The following DNAH10 variants were observed in gnomAD, a reference collection of about 807,000 sequenced individuals.
The protein encoded by DNAH10 is axonemal beta dynein heavy chain 10.
Under a neutral mutation model 506.6 loss-of-function variants are expected in DNAH10, and 348 were observed. That is an observed-to-expected ratio of 0.69 (90% CI 0.63 to 0.75). The LOEUF (loss-of-function observed/expected upper bound fraction) is 0.75. Among genes scored for constraint, DNAH10 ranks in the 30% least tolerant of loss-of-function variants. The pLI, the probability that DNAH10 is intolerant of heterozygous loss-of-function variation, is 0.00. For missense variants in DNAH10, 5,179 were observed against 5,787.1 expected (o/e 0.89, Z 3.41); for synonymous variants, 2,059 against 2,198.6 (o/e 0.94, Z 1.78).
At position 123,789,961 on chromosome 12, in the gene DNAH10, A is replaced by G; in HGVS notation, c.1655A>G (p.Glu552Gly). The G allele has an allele frequency of 6.2e-7, 1 of 1,614,060 alleles. No homozygotes were observed. The highest frequency in any genetic ancestry group is 8.5e-7 in the Non-Finnish European group (1 of 1,179,984). The change falls in exon 11 of 79, where the codon GAA becomes GGA. Residue 552 changes from glutamate (E) to glycine (G), a missense_variant. Coordinates refer to ENST00000673944, the MANE Select transcript of DNAH10 (RefSeq NM_001372106.1). ...GAATTTTATAACATATTTGGTCCAG[A>G]ACTAAAGGCAGTGACGGGGGACCCC... ...LEEFYNIFGP[E>G]LKAVTGDPKR...
chr12:123,878,790 T>C (rs1952372527), intron 48 of DNAH10, among the ~76,000 whole-genome samples: 1 of 152,036 alleles, frequency 6.6e-6, no homozygotes, highest in African/African-American at 2.4e-5. Flanking sequence ...TCCCAGCCAC[T>C]TGGGAGGCTG....
chr12:123,863,680 AT>A (rs1426604340), intron 39 of DNAH10, among the ~76,000 whole-genome samples: 2 of 152,204 alleles, frequency 1.3e-5, no homozygotes, highest in African/African-American at 2.4e-5. Context: ...TTGTCATTAG[AT>A]TAGGACTCAT....
At chr12:123,872,538 T>C (rs1277551114) in intron 45 of DNAH10, among the ~76,000 whole-genome samples, 1 of 152,198 alleles carries the variant, frequency 6.6e-6, no homozygotes, top group Non-Finnish European at 1.5e-5. Flanking sequence ...TCAGCTCATG[T>C]GCACCTGCAC....
At chr12:123,777,691 G>C (rs1957491596) in intron 5 of DNAH10, among the ~76,000 whole-genome samples, 1 of 152,052 alleles carries the variant, frequency 6.6e-6, no homozygotes, top group African/African-American at 2.4e-5. Context: ...TGCCACCTAG[G>C]CTGGAGTGCA....
intron 25 of DNAH10, 29 bp downstream of exon 25, chr12:123,826,927 A>G: frequency 1.8e-5 from 29 of 1,579,888 alleles, no homozygotes; most frequent in Non-Finnish European, 2.4e-5. Context: ...CCGCAGATGT[A>G]AAAGTGTGGG....
At chr12:123,924,598 C>G (rs975886079) in intron 67 of DNAH10, among the ~76,000 whole-genome samples, 166 bp downstream of exon 67, 1 of 152,184 alleles carries the variant, frequency 6.6e-6, no homozygotes, top group Non-Finnish European at 1.5e-5. Context: ...TTGGCTAATT[C>G]AGCTAGTTGT....
chr12:123,899,295 G>C, intron 56 of DNAH10, among the ~76,000 whole-genome samples: 1 of 152,190 alleles, frequency 6.6e-6, no homozygotes, highest in Middle Eastern at 3.4e-3. Context: ...ACCCTCTCGC[G>C]ATGCCTGGCA....
In DNAH10 at chr12:123,935,430, C is replaced by T. The variant is rs768705962; in HGVS notation, c.13719C>T (p.His4573=). ...VFEADLFTTR[H]ISHWVLQGVC... The stretch of plus-strand genomic sequence containing the variant: ...AAGCTGATCTCTTTACCACGAGGCA[C>T]ATTTCTCACTGGGTGCTGCAAGGAG... Residue 4573 remains histidine, a synonymous_variant, in exon 79 of 79, where the codon CAC becomes CAT. Transcript: ENST00000673944. 3.0e-5 allele frequency: 48 copies of T among 1,609,438 alleles called. No individual in the cohort carries two copies. In the Middle Eastern group the frequency reaches 6.6e-4, roughly 22 times the overall value.
chr12:123,853,290 GC>G lies in DNAH10; in HGVS notation c.6379del (p.Leu2127Ter). ...GTATCACTATGATTTTGGACTCAGA[GC>G]CCTGAAATCGGTGCTGGTCATGGCT... ...KQYHYDFGLR[A>X]LKSVLVMAGE... On this transcript the variant is annotated frameshift_variant, in exon 36 of 79. Transcript: ENST00000673944. LOFTEE classifies it high-confidence loss of function. The surrounding 1 kb of genome is among the most constrained non-coding windows in gnomAD (Gnocchi z 4.7). 6.2e-7 allele frequency: 1 copy of G among 1,612,112 alleles called. No homozygotes were observed. Among genetic ancestry groups the G allele is most frequent in the South Asian group, 1.1e-5 (1 of 90,408 alleles).
Position 123,931,470 on chromosome 12 carries a change from C to A in DNAH10, c.12914C>A (p.Thr4305Lys). 1 of 1,613,484 alleles carries A rather than the reference C, an allele frequency of 6.2e-7. No individual in the cohort carries two copies. Among genetic ancestry groups the A allele is most frequent in the Non-Finnish European group, 8.5e-7 (1 of 1,179,610 alleles). The change falls in exon 74 of 79, where the codon ACA (threonine) becomes AAA (lysine). Residue 4305 changes from threonine (T) to lysine (K), a missense_variant and splice_region_variant. By Grantham distance (78) the Thr-to-Lys change is moderately conservative. Coordinates refer to ENST00000673944, the MANE Select transcript of DNAH10 (RefSeq NM_001372106.1). ...CACCTGCTGGAGCTGCAGCCTCAGA[C>A]AGGTAAACTCTACTCAGGAGGACTT... The part of the protein sequence containing the change: ...WAHLLELQPQ[T>K]GESSSGISRD...
In DNAH10 at chr12:123,877,923, T is replaced by G; in HGVS notation, c.8372+15T>G. 6.2e-7 allele frequency: 1 copy of G among 1,611,862 alleles called. No individual in the cohort carries two copies. Among genetic ancestry groups the G allele is most frequent in the Non-Finnish European group, 8.5e-7 (1 of 1,179,000 alleles). ...AACCCGGAGCGGTGAGTTTGATTTA[T>G]CTTACTAAAATATGCCCCACAGGTA... On this transcript the variant is annotated intron_variant, in intron 48 of 78. Transcript: ENST00000673944.
chr12:123,784,009 G>A lies in DNAH10; in HGVS notation c.1062G>A (p.Leu354=). The part of the protein sequence containing the change: ...WRERNATLSA[L]HEQTKLPIVR... Reference sequence around the variant, plus strand: ...AAAGAAATGCAACCTTAAGTGCGCTGCATGAACAAACAAAGCTTCCAATAG... The same window carrying A: ...AAAGAAATGCAACCTTAAGTGCGCTACATGAACAAACAAAGCTTCCAATAG... The change falls in exon 8 of 79, where the codon CTG becomes CTA. Residue 354 remains leucine (L), a synonymous_variant. Transcript: ENST00000673944. The A allele has an allele frequency of 6.2e-7, 1 of 1,614,206 alleles. No individual in the cohort carries two copies. The highest frequency in any genetic ancestry group is 1.1e-5 in the South Asian group (1 of 91,088).
chr12:123,864,580 C>A lies in DNAH10; in HGVS notation c.6909-15C>A. 3.1e-6 allele frequency: 5 copies of A among 1,612,692 alleles called. No homozygotes were observed. The highest frequency in any genetic ancestry group is 4.2e-6 in the Non-Finnish European group (5 of 1,179,326). The stretch of plus-strand genomic sequence containing the variant: ...TCTCTAGGACCCATGGCTCTCCTTT[C>A]TTTGGTTGCTGCAGGTATATTTTAT... On this transcript the variant is annotated splice_polypyrimidine_tract_variant and intron_variant, in intron 39 of 78. Transcript: ENST00000673944.
intron 51 of DNAH10, among the ~76,000 whole-genome samples, chr12:123,886,379 G>T (rs565627114): frequency 2.6e-5 from 4 of 152,138 alleles, no homozygotes; most frequent in Non-Finnish European, 2.9e-5. Flanking sequence ...AGGGGAGGCG[G>T]CTGCACTCGG....
At chr12:123,894,563 T>G in intron 53 of DNAH10, 80 bp from the exon 54 acceptor site, 2 of 1,348,266 alleles carry the variant, frequency 1.5e-6, no homozygotes, top group Non-Finnish European at 2.1e-6. Context: ...CGGCCCTGAT[T>G]TTTGTATTTT....
intron 75 of DNAH10, 25 bp from the exon 76 acceptor site, chr12:123,931,916 C>G: frequency 6.2e-7 from 1 of 1,613,614 alleles, no homozygotes; most frequent in Non-Finnish European, 8.5e-7. Context: ...TAGAGTCCTG[C>G]CCGATTGCTC....
intron 24 of DNAH10, among the ~76,000 whole-genome samples, chr12:123,824,884 G>A (rs1422980708): frequency 2.0e-5 from 3 of 152,076 alleles, no homozygotes; most frequent in South Asian, 2.1e-4. Flanking sequence ...CTCTTTCCAA[G>A]TGAGGCTTCA....
In DNAH10 at chr12:123,845,877, T is replaced by C. The variant is rs1950931543; in HGVS notation, c.5630+8T>C. On this transcript the variant is annotated splice_region_variant and intron_variant, in intron 31 of 78. Coordinates refer to ENST00000673944, the MANE Select transcript of DNAH10 (RefSeq NM_001372106.1). The stretch of plus-strand genomic sequence containing the variant: ...TTCTTTCATAAGAGGCAGGTGAGCA[T>C]TTTCCGGGGTCACTGGCATTTCAAA... 1 of 1,613,294 alleles carries C rather than the reference T, an allele frequency of 6.2e-7. No homozygotes were observed. The highest frequency in any genetic ancestry group is 1.3e-5 in the African/African-American group (1 of 75,042).
rs780299610 is a variant in DNAH10, at chr12:123,864,792, T to C, written c.7044+62T>C. ...TTTCTTGTAATTAAAAATGCAAATG[T>C]TTGTTAAAGTAGTAGTAAATGTAGA... On this transcript the variant is annotated intron_variant, in intron 40 of 78. Transcript: ENST00000673944. 3.2e-4 allele frequency: 492 copies of C among 1,532,346 alleles called. 2 individuals are homozygous for C. The highest frequency in any genetic ancestry group is 3.5e-4 in the Non-Finnish European group (402 of 1,136,548). 94.9% of individuals were successfully genotyped at this position (1,532,346 alleles called of 1,614,324 possible).
Sources: gnomAD v4.1 joint callset for allele counts (sites outside exome capture counted in the v4.1 genomes callset) on GRCh38, gnomAD v4.1.1 for gene constraint, Gnocchi (gnomAD v3.1) non-coding constraint, MANE v1.5 for transcripts, NCBI Gene and HGNC (gene_info 2026-07-23, HGNC 2026-07-21) for gene names.